ADAMTSL1: variants seen among roughly 807,000 people sequenced by gnomAD.
The protein encoded by ADAMTSL1 is ADAMTS like 1.
A neutral mutation model predicts 201.8 loss-of-function variants in ADAMTSL1; 126 were observed. The ratio of observed to expected loss-of-function variants is 0.62; its 90% CI spans 0.54 to 0.72. ADAMTSL1 has a LOEUF of 0.72. Among genes scored for constraint, ADAMTSL1 ranks in the 30% least tolerant of loss-of-function variants. The pLI, the probability that ADAMTSL1 is intolerant of heterozygous loss-of-function variation, is 0.00. For synonymous variants in ADAMTSL1, 1,121 were observed against 903.4 expected, an observed-to-expected ratio of 1.24 and a Z score of -4.32; for missense variants, 2,679 against 2,277.8, an observed-to-expected ratio of 1.18 and a Z score of -3.59.
chr9:18,281,113 A>G (rs1832770828), intron 2 of ADAMTSL1, among the ~76,000 whole-genome samples: 1 of 152,174 alleles, frequency 6.6e-6, no homozygotes, highest in African/African-American at 2.4e-5. Flanking sequence ...AAAGGCCCAC[A>G]TACACACAAT....
intron 1 of ADAMTSL1, among the ~76,000 whole-genome samples, chr9:18,102,336 A>T (rs530433310): frequency 3.8e-4 from 58 of 152,290 alleles, no homozygotes; most frequent in Non-Finnish European, 7.6e-4. Flanking sequence ...AAGTCTGAAA[A>T]TTAATTTATT....
chr9:18,385,487 G>A (rs187915023), intron 2 of ADAMTSL1, among the ~76,000 whole-genome samples: 287 of 152,204 alleles, frequency 1.9e-3, no homozygotes, highest in Middle Eastern at 0.017. Context: ...CAAACAGTAC[G>A]TTAGTCATAA....
At chr9:18,282,822 G>A (rs201932495) in intron 2 of ADAMTSL1, among the ~76,000 whole-genome samples, 6 of 152,106 alleles carry the variant, frequency 3.9e-5, no homozygotes, top group South Asian at 2.1e-4. Context: ...GCTTGAACCC[G>A]GGAGACAGAG....
chr9:18,691,269 A>G lies in ADAMTSL1; in HGVS notation c.1574+6469A>G, dbSNP rs556871107. 1.1e-4 allele frequency among the ~76,000 whole-genome samples: 16 copies of G among 152,374 alleles called. No individual in the cohort carries two copies. In the South Asian group the frequency reaches 3.1e-3, roughly 30 times the overall value. On this transcript the variant is annotated intron_variant, in intron 13 of 28. Coordinates refer to ENST00000380548, the MANE Select transcript of ADAMTSL1 (RefSeq NM_001040272.6). ...TAGTTAAGCTACTACATGGTAATGCATAAAGATAAGAACTAAGTGATAAAA... is the reference window on the plus strand; with the variant it reads ...TAGTTAAGCTACTACATGGTAATGCGTAAAGATAAGAACTAAGTGATAAAA...
intron 16 of ADAMTSL1, among the ~76,000 whole-genome samples, chr9:18,759,801 A>G (rs1311418187): frequency 6.6e-6 from 1 of 152,234 alleles, no homozygotes; most frequent in Non-Finnish European, 1.5e-5. Flanking sequence ...CACCCCTTGT[A>G]CTTCCAGAGT....
chr9:18,301,898 G>T (rs1833723051), intron 2 of ADAMTSL1, among the ~76,000 whole-genome samples: 1 of 152,150 alleles, frequency 6.6e-6, no homozygotes, highest in Non-Finnish European at 1.5e-5. Flanking sequence ...GATAAAAATA[G>T]AACATTATTT....
chr9:18,728,836 T>A (rs1366597913), intron 15 of ADAMTSL1, among the ~76,000 whole-genome samples: 2 of 152,222 alleles, frequency 1.3e-5, no homozygotes, highest in African/African-American at 4.8e-5. Context: ...CCAAGTTAAG[T>A]TGTTTAGACT....
At chr9:18,149,080 A>G (rs1384086299) in intron 1 of ADAMTSL1, among the ~76,000 whole-genome samples, 2 of 152,074 alleles carry the variant, frequency 1.3e-5, no homozygotes, top group Non-Finnish European at 2.9e-5. Flanking sequence ...CTGTAGAGGA[A>G]TAGATGATTG....
chr9:18,475,458 T>A (rs1282775500), intron 1 of ADAMTSL1, among the ~76,000 whole-genome samples: 1 of 152,212 alleles, frequency 6.6e-6, no homozygotes, highest in Non-Finnish European at 1.5e-5. Flanking sequence ...ATTTTATACA[T>A]TCCCACTTCT....
intron 16 of ADAMTSL1, among the ~76,000 whole-genome samples, chr9:18,757,107 T>A (rs577618324): frequency 6.6e-6 from 1 of 152,336 alleles, no homozygotes; most frequent in Admixed American, 6.5e-5. Context: ...TTATTTCAGT[T>A]CTTCCTCTTA....
At chr9:18,149,432 T>C (rs1826807091) in intron 1 of ADAMTSL1, among the ~76,000 whole-genome samples, 1 of 151,948 alleles carries the variant, frequency 6.6e-6, no homozygotes, top group South Asian at 2.1e-4. Flanking sequence ...TTTGGGGGCC[T>C]TTAAAAGGAG....
At chr9:18,907,164 C>A (rs924842033) in intron 28 of ADAMTSL1, 3 of 510,406 alleles carry the variant, frequency 5.9e-6, no homozygotes, top group African/African-American at 3.9e-5. Context: ...GTGCTATTGG[C>A]CCAGTGCTGG....
intron 2 of ADAMTSL1, among the ~76,000 whole-genome samples, chr9:18,424,352 C>A (rs754514858): frequency 6.6e-6 from 1 of 152,184 alleles, no homozygotes; most frequent in Non-Finnish European, 1.5e-5. Context: ...AGACCAAATA[C>A]TGTGCTAAGC....
intron 2 of ADAMTSL1, among the ~76,000 whole-genome samples, chr9:18,365,628 A>C (rs1336032863): frequency 2.0e-5 from 3 of 152,116 alleles, no homozygotes; most frequent in Non-Finnish European, 2.9e-5. Flanking sequence ...GCAGTTTTTT[A>C]GGCTAGGGTG....
intron 1 of ADAMTSL1, among the ~76,000 whole-genome samples, chr9:18,003,089 A>G (rs988393739): frequency 1.3e-5 from 2 of 151,928 alleles, no homozygotes; most frequent in African/African-American, 4.8e-5. Context: ...AGGTGACTTT[A>G]TACTAGAGAA....
chr9:18,148,392 T>G (rs1826752905), intron 1 of ADAMTSL1, among the ~76,000 whole-genome samples: 1 of 149,486 alleles, frequency 6.7e-6, no homozygotes, highest in Non-Finnish European at 1.5e-5. Context: ...ATTTGGTAAC[T>G]ATAAAACAGA....
chr9:18,431,621 G>A (rs1819493978), intron 2 of ADAMTSL1, among the ~76,000 whole-genome samples: 1 of 152,084 alleles, frequency 6.6e-6, no homozygotes, highest in Non-Finnish European at 1.5e-5. Flanking sequence ...TTGGCAGATG[G>A]TCACCCAGCC....
intron 15 of ADAMTSL1, among the ~76,000 whole-genome samples, chr9:18,747,766 G>A (rs946728229): frequency 6.6e-6 from 1 of 152,130 alleles, no homozygotes; most frequent in African/African-American, 2.4e-5. Flanking sequence ...CATGGCTAAG[G>A]GTGCTCTGCC....
intron 1 of ADAMTSL1, among the ~76,000 whole-genome samples, chr9:17,948,739 C>T (rs1454296253): frequency 6.6e-6 from 1 of 152,150 alleles, no homozygotes; most frequent in Non-Finnish European, 1.5e-5. Flanking sequence ...CTAGTTAAAC[C>T]ATCCTGGTTT....
Sources: gnomAD v4.1 joint callset for allele counts (sites outside exome capture counted in the v4.1 genomes callset) on GRCh38, gnomAD v4.1.1 for gene constraint, MANE v1.5 for transcripts, NCBI Gene and HGNC (gene_info 2026-07-23, HGNC 2026-07-21) for gene names.